SDF4: variants seen among roughly 807,000 people sequenced by gnomAD.
SDF4 encodes stromal cell derived factor 4, also known as 45 kDa calcium-binding protein.
Under a neutral mutation model 34.2 loss-of-function variants are expected in SDF4, and 22 were observed. The ratio of observed to expected loss-of-function variants is 0.64; its 90% CI spans 0.46 to 0.92. The LOEUF (loss-of-function observed/expected upper bound fraction) is 0.92, where lower values mean the gene tolerates loss of function less well. SDF4 is among the 40% of genes least tolerant of loss of function. The pLI, the probability that SDF4 is intolerant of heterozygous loss-of-function variation, is 0.00. For missense variants in SDF4, 447 were observed against 499.9 expected, an observed-to-expected ratio of 0.89 and a Z score of 1.01; for synonymous variants, 236 against 203.1, an observed-to-expected ratio of 1.16 and a Z score of -1.38.
At chr1:1,222,000 G>A (rs1312514601) in intron 4 of SDF4, among the ~76,000 whole-genome samples, 1 of 152,186 alleles carries the variant, frequency 6.6e-6, no homozygotes, top group East Asian at 1.9e-4. Flanking sequence ...GAGGAAATGT[G>A]TGTTACTGAT....
Position 1,218,375 on chromosome 1 carries a change from TGCCTCAG to T in SDF4, c.891+76_891+82del. ...CAGGCCAGACACCAGCACAGCTTCC[TGCCTCAG>T]GCCCAGATCCACCAGCCCCTCCCGC... On this transcript the variant is annotated intron_variant, in intron 6 of 6. Coordinates refer to ENST00000360001, the MANE Select transcript of SDF4 (RefSeq NM_016176.6). The surrounding 1 kb of genome is among the most constrained non-coding windows in gnomAD (Gnocchi z 7.9). 1 of 1,450,584 alleles carries T rather than the reference TGCCTCAG, an allele frequency of 6.9e-7. No homozygotes were observed. The highest frequency in any genetic ancestry group is 1.9e-5 in the Admixed American group (1 of 51,472). The allele number at this position is 1,450,584 out of a possible 1,614,324, so 89.9% of individuals were successfully genotyped here.
At position 1,228,555 on chromosome 1, in the gene SDF4, T is replaced by A; in HGVS notation, c.218A>T (p.Glu73Val). ...ACCCAGGTCCTTGCCTAGGAAGACC[T>A]CCTGGTGGAAGCCGCGATTGAGGTG... ...DGHLNRGFHQ[E>V]VFLGKDLGGF... Residue 73 changes from glutamate to valine, a missense_variant, in exon 2 of 7, where the codon GAG becomes GTG. Physicochemically the swap from Glu to Val is moderately radical, Grantham distance 121. Transcript: ENST00000360001. The A allele has an allele frequency of 6.2e-7, 1 of 1,613,076 alleles. No homozygotes were observed. Among genetic ancestry groups the A allele is most frequent in the Non-Finnish European group, 8.5e-7 (1 of 1,180,012 alleles).
intron 4 of SDF4, chr1:1,220,674 G>A (rs756899657): frequency 5.4e-6 from 7 of 1,289,104 alleles, no homozygotes; most frequent in Middle Eastern, 2.1e-4. Context: ...GAGTCCCAAA[G>A]GTAGACGGAG....
Position 1,217,682 on chromosome 1 carries a change from T to C in SDF4, c.898A>G (p.Met300Val). ...GCGTTGTACTCGTTCATGGGGTCCA[T>C]GTAGCTCTGCGGGCGAGCGGGGCAC... is the stretch of plus-strand genomic sequence containing the variant. ...IVTAEELESY[M>V]DPMNEYNALN... Residue 300 changes from methionine (M) to valine (V), a missense_variant, in exon 7 of 7, where the codon ATG becomes GTG. By Grantham distance (21) the Met-to-Val change is conservative. Coordinates refer to ENST00000360001, the MANE Select transcript of SDF4 (RefSeq NM_016176.6). This position sits in a 1 kb window ranked among gnomAD's most constrained non-coding sequence, Gnocchi z 8.5. 3 of 1,613,798 alleles carry C rather than the reference T, an allele frequency of 1.9e-6. No homozygotes were observed. Among genetic ancestry groups the C allele is most frequent in the South Asian group, 1.1e-5 (1 of 91,080 alleles).
chr1:1,229,967 G>C (rs931459921), intron 1 of SDF4, among the ~76,000 whole-genome samples: 1 of 152,210 alleles, frequency 6.6e-6, no homozygotes, highest in Non-Finnish European at 1.5e-5. Flanking sequence ...ACTCGCGAGC[G>C]AACGCCAAGG....
chr1:1,223,692 C>G (rs1437308867), intron 3 of SDF4, 140 bp downstream of exon 3: 2 of 826,818 alleles, frequency 2.4e-6, no homozygotes, highest in Non-Finnish European at 3.8e-6. Flanking sequence ...TGCACCCCAC[C>G]ACACCTCGGG....
chr1:1,226,752 G>A (rs1051428414), intron 2 of SDF4, among the ~76,000 whole-genome samples: 3 of 152,302 alleles, frequency 2.0e-5, no homozygotes, highest in South Asian at 2.1e-4. Context: ...TTGGGGTTTC[G>A]TTACAGGCAC....
rs1027461180 is a variant in SDF4 at position 1,219,064 on chromosome 1, C to T, written c.557-137G>A. 6.1e-5 allele frequency: 96 copies of T among 1,572,856 alleles called. No homozygotes were observed. The African/African-American group carries it at 1.0e-3, about 17-fold the overall frequency. On this transcript the variant is annotated intron_variant, in intron 4 of 6. Transcript: ENST00000360001. The stretch of plus-strand genomic sequence containing the variant: ...GGGGCCCCACCCTCCAGGATTCACA[C>T]GTCCCCAGAACATGGCCCAGCCCCT...
At chr1:1,219,184 A>G in intron 4 of SDF4, 1 of 1,303,888 alleles carries the variant, frequency 7.7e-7, no homozygotes, top group South Asian at 1.5e-5. Flanking sequence ...CACAGCCCGG[A>G]CTCCCCAAGA....
At chr1:1,223,164 GCA>G in intron 4 of SDF4, 78 bp downstream of exon 4, 1 of 966,636 alleles carries the variant, frequency 1.0e-6, no homozygotes, top group Non-Finnish European at 1.7e-6. Flanking sequence ...GACACACACG[GCA>G]CACTCATGTA....
rs1192799820 is a variant in SDF4 at position 1,217,428 on chromosome 1, G to A, written c.*84C>T. Reference sequence around the variant, plus strand: ...TGGCGGGCGGCAGGGAAGAGGTGGGGTCCGGGACAGCCACGGAGCCCGGAG... The same window carrying A: ...TGGCGGGCGGCAGGGAAGAGGTGGGATCCGGGACAGCCACGGAGCCCGGAG... On this transcript the variant is annotated 3_prime_UTR_variant, in exon 7 of 7. Coordinates refer to ENST00000360001, the MANE Select transcript of SDF4 (RefSeq NM_016176.6). The surrounding 1 kb of genome is among the most constrained non-coding windows in gnomAD (Gnocchi z 8.5). 8.3e-7 allele frequency: 1 copy of A among 1,211,900 alleles called. No individual in the cohort carries two copies. The highest frequency in any genetic ancestry group is 1.6e-5 in the African/African-American group (1 of 60,980). The allele number at this position is 1,211,900 out of a possible 1,614,324, so 75.1% of individuals were successfully genotyped here. A position where few individuals can be genotyped will look rare whatever the true frequency, so the allele number is the denominator to read the frequency against.
intron 4 of SDF4, chr1:1,219,258 C>T (rs1460090664): frequency 1.0e-5 from 12 of 1,187,516 alleles, no homozygotes; most frequent in Non-Finnish European, 1.3e-5. Flanking sequence ...CCCACAGACA[C>T]AGCCCAGACC....
intron 4 of SDF4, chr1:1,219,222 C>A: frequency 8.1e-7 from 1 of 1,229,722 alleles, no homozygotes. Context: ...TGCCCCAGAC[C>A]CCCAATACAT....
intron 1 of SDF4, among the ~76,000 whole-genome samples, chr1:1,229,307 G>C (rs75188282): frequency 0.11 from 17,414 of 152,244 alleles, 1,143 homozygotes; most frequent in East Asian, 0.17. Context: ...TCTGGGCTCA[G>C]GTGATGCTCT....
rs572621084 is a variant in SDF4, at chr1:1,218,297, G to A, written c.891+161C>T. The stretch of plus-strand genomic sequence containing the variant: ...CCTAAACGCCAACAACGGCCATGCA[G>A]CCTGGTGGACACCGCTGAGCAAACG... On this transcript the variant is annotated intron_variant, in intron 6 of 6. Transcript: ENST00000360001. This position sits in a 1 kb window ranked among gnomAD's most constrained non-coding sequence, Gnocchi z 7.9. Among the ~76,000 whole-genome samples, 1 of 152,314 alleles carries A rather than the reference G, an allele frequency of 6.6e-6. No individual in the cohort carries two copies. Among genetic ancestry groups the A allele is most frequent in the East Asian group, 1.9e-4 (1 of 5,166 alleles).
chr1:1,219,089 T>G (rs1176682981), intron 4 of SDF4, 162 bp from the exon 5 acceptor site: 15 of 1,539,756 alleles, frequency 9.7e-6, no homozygotes, highest in Non-Finnish European at 1.3e-5. Context: ...GCCCAGCCCC[T>G]AAGACACAGC....
Position 1,218,814 on chromosome 1 carries a change from G to T in SDF4, c.670C>A (p.Arg224=). 1 of 1,607,866 alleles carries T rather than the reference G, an allele frequency of 6.2e-7. No individual in the cohort carries two copies. The highest frequency in any genetic ancestry group is 1.1e-5 in the South Asian group (1 of 90,828). The change falls in exon 5 of 7, where the codon CGG becomes AGG. Residue 224 remains arginine, a synonymous_variant. Transcript: ENST00000360001. This position sits in a 1 kb window ranked among gnomAD's most constrained non-coding sequence, Gnocchi z 7.9. Reference sequence around the variant, plus strand: ...TTCACCATGAACCTGAGCATTCCCCGGCTGTGCTCGGGGTGGAGGAACGAC... The same window carrying T: ...TTCACCATGAACCTGAGCATTCCCCTGCTGTGCTCGGGGTGGAGGAACGAC... ...FLSFLHPEHS[R]GMLRFMVKEI... is the part of the protein sequence containing the mutation.
Position 1,223,053 on chromosome 1 carries a change from C to T in SDF4, c.556+191G>A, listed in dbSNP as rs868837014. On this transcript the variant is annotated intron_variant, in intron 4 of 6. Transcript: ENST00000360001. ...CGAGCACACACACAGCACACGTACA[C>T]ACAACATGCACACACGTACTCACGA... 243 of 598,358 alleles carry T rather than the reference C, an allele frequency of 4.1e-4. 1 individual carries two copies. Among genetic ancestry groups the T allele is most frequent in the African/African-American group, 1.5e-3 (82 of 53,892 alleles). The allele number at this position is 598,358 out of a possible 1,614,324, so 37.1% of individuals were successfully genotyped here. A position where few individuals can be genotyped will look rare whatever the true frequency, so the allele number is the denominator to read the frequency against.
At position 1,223,972 on chromosome 1, in the gene SDF4, CAA is replaced by C; in HGVS notation, c.306-6_306-5del. The stretch of plus-strand genomic sequence containing the variant: ...CCGGTCAGTGTTCACATCCACCCTG[CAA>C]GACAGCAAATGGGCAGGTGGCCGTC... On this transcript the variant is annotated splice_region_variant and splice_polypyrimidine_tract_variant and intron_variant, in intron 2 of 6. Transcript: ENST00000360001. 2 of 1,609,802 alleles carry C rather than the reference CAA, an allele frequency of 1.2e-6. No individual in the cohort carries two copies. Among genetic ancestry groups the C allele is most frequent in the Non-Finnish European group, 1.7e-6 (2 of 1,179,754 alleles).
Sources: allele counts gnomAD v4.1 joint callset (sites outside exome capture counted in the v4.1 genomes callset), GRCh38; gene constraint gnomAD v4.1.1; non-coding constraint Gnocchi (gnomAD v3.1); transcripts MANE v1.5; gene names NCBI Gene and HGNC (gene_info 2026-07-23, HGNC 2026-07-21).